Variants in S100PBP observed in about 807,000 individuals in gnomAD.
S100PBP encodes the protein S100P-binding protein.
S100PBP carries 15 observed loss-of-function variants against 39.9 expected under a neutral mutation model. The ratio of observed to expected loss-of-function variants is 0.38; its 90% CI spans 0.25 to 0.58. The LOEUF (loss-of-function observed/expected upper bound fraction) is 0.58. S100PBP is among the 20% of genes least tolerant of loss of function. The probability of loss-of-function intolerance (pLI) is 0.70; values close to 1 mark genes in which losing one functional copy is unlikely to be tolerated. For missense variants in S100PBP, 504 were observed against 487.3 expected (o/e 1.03, Z -0.32); for synonymous variants, 178 against 180.3 (o/e 0.99, Z 0.10).
chr1:32,830,304 C>T (rs532923873), intron 5 of S100PBP, among the ~76,000 whole-genome samples: 1 of 152,278 alleles, frequency 6.6e-6, no homozygotes, highest in East Asian at 1.9e-4. Flanking sequence ...ATGAAAGGTG[C>T]CTCCCTCATG....
At chr1:32,850,075 CTT>C (rs1640548973) in intron 5 of S100PBP, among the ~76,000 whole-genome samples, 1 of 152,134 alleles carries the variant, frequency 6.6e-6, no homozygotes, top group Admixed American at 6.5e-5. Flanking sequence ...TATTAGGCCC[CTT>C]TGGCTAACTG....
At chr1:32,847,940 A>G (rs1357680093) in intron 5 of S100PBP, among the ~76,000 whole-genome samples, 2 of 152,138 alleles carry the variant, frequency 1.3e-5, no homozygotes, top group Non-Finnish European at 2.9e-5. Flanking sequence ...GGAAAAGATG[A>G]TTAGATGAGA....
At chr1:32,848,858 A>G (rs558029663) in intron 5 of S100PBP, among the ~76,000 whole-genome samples, 1 of 152,196 alleles carries the variant, frequency 6.6e-6, no homozygotes, top group Non-Finnish European at 1.5e-5. Flanking sequence ...TCCCTCCTTT[A>G]TTTCATTCTT....
chr1:32,828,288 A>T (rs1249548439), intron 4 of S100PBP, among the ~76,000 whole-genome samples: 3 of 151,944 alleles, frequency 2.0e-5, no homozygotes, highest in East Asian at 3.9e-4. Context: ...AAGGCTAATG[A>T]TGCCTCCTCT....
intron 6 of S100PBP, among the ~76,000 whole-genome samples, chr1:32,853,380 G>C (rs1354069838): frequency 6.6e-6 from 1 of 151,708 alleles, no homozygotes; most frequent in African/African-American, 2.4e-5. Context: ...GCTGAGGCAG[G>C]ACAGTTGCTT....
chr1:32,842,822 T>A (rs1157370622), intron 5 of S100PBP: 1 of 152,160 alleles, frequency 6.6e-6, no homozygotes, highest in African/African-American at 2.4e-5. Flanking sequence ...TCTCGAGCTC[T>A]TGACTTCAAG....
At chr1:32,832,175 A>T (rs1043447850) in intron 5 of S100PBP, among the ~76,000 whole-genome samples, 2 of 152,256 alleles carry the variant, frequency 1.3e-5, no homozygotes, top group African/African-American at 4.8e-5. Context: ...AACTTACATG[A>T]AAATTATACG....
At chr1:32,821,562 C>T (rs1250474989) in intron 1 of S100PBP, among the ~76,000 whole-genome samples, 9 of 151,500 alleles carry the variant, frequency 5.9e-5, no homozygotes, top group African/African-American at 1.7e-4. Flanking sequence ...CCTCGTGATC[C>T]GCCCTCCTCG....
chr1:32,819,160 G>C (rs763986097), intron 1 of S100PBP, among the ~76,000 whole-genome samples: 1 of 152,074 alleles, frequency 6.6e-6, no homozygotes, highest in African/African-American at 2.4e-5. Context: ...TGTGAAGAAG[G>C]GGGTGGACAG....
At position 32,828,088 on chromosome 1, in the gene S100PBP, T is replaced by A. The variant is rs1468996927; in HGVS notation, c.920+7T>A. On this transcript the variant is annotated splice_region_variant and intron_variant, in intron 4 of 6. Coordinates refer to ENST00000373475, the MANE Select transcript of S100PBP (RefSeq NM_022753.4). ...TTCTACAAACTAAGACCAGGTAATG[T>A]AAAGTATAATTAAATATTCTGATTT... 24 of 1,533,328 alleles carry A rather than the reference T, an allele frequency of 1.6e-5. No homozygotes were observed. The highest frequency in any genetic ancestry group is 2.0e-5 in the Non-Finnish European group (22 of 1,109,796). The allele number at this position is 1,533,328 out of a possible 1,614,324, so 95.0% of individuals were successfully genotyped here. A position where few individuals can be genotyped will look rare whatever the true frequency, so the allele number is the denominator to read the frequency against.
At chr1:32,848,459 T>C (rs1640477161) in intron 5 of S100PBP, among the ~76,000 whole-genome samples, 1 of 152,196 alleles carries the variant, frequency 6.6e-6, no homozygotes, top group Non-Finnish European at 1.5e-5. Context: ...TGTTCTCTCT[T>C]GTTCTCATTA....
At position 32,854,148 on chromosome 1, in the gene S100PBP, T is replaced by A. The variant is rs144174672; in HGVS notation, c.1112+982T>A. Among the ~76,000 whole-genome samples the A allele has an allele frequency of 3.1e-3, 477 of 152,300 alleles. 6 individuals carry two copies. Among genetic ancestry groups the A allele is most frequent in the African/African-American group, 0.011 (453 of 41,564 alleles). ...TTTTACTTTTTTCTCTCTCACCCCA[T>A]ATTCAGTCTATCAGCAAATCCCATA... On this transcript the variant is annotated intron_variant, in intron 6 of 6. Transcript: ENST00000373475.
At chr1:32,836,455 T>G (rs1017929767) in intron 5 of S100PBP, 5 of 808,056 alleles carry the variant, frequency 6.2e-6, no homozygotes, top group South Asian at 5.7e-5. Flanking sequence ...TTGTTTGTTT[T>G]TTTTTATAGT....
rs1163936283 is a variant in S100PBP, at chr1:32,857,773, T to C, written c.*1735T>C. On this transcript the variant is annotated 3_prime_UTR_variant, in exon 7 of 7. Transcript: ENST00000373475. ...CCCATCTTTCTGTGTGAGTAATGCA[T>C]TCTAAACATCCTACCCCACTTTAGA... 1.3e-5 allele frequency: 2 copies of C among 152,224 alleles called. No homozygotes were observed. The highest frequency in any genetic ancestry group is 2.9e-5 in the Non-Finnish European group (2 of 68,032). 9.4% of individuals were successfully genotyped at this position (152,224 alleles called of 1,614,324 possible).
chr1:32,858,556 A>G lies in S100PBP; in HGVS notation c.*2518A>G, dbSNP rs1485510420. On this transcript the variant is annotated 3_prime_UTR_variant, in exon 7 of 7. Coordinates refer to ENST00000373475, the MANE Select transcript of S100PBP (RefSeq NM_022753.4). ...CTCTTATATTTGGTATTGGCCTCTA[A>G]GTCTAATATTGCAGTTGGAATTCTT... 6.6e-6 allele frequency: 1 copy of G among 152,260 alleles called. No individual in the cohort carries two copies. The allele number at this position is 152,260 out of a possible 1,614,324, so 9.4% of individuals were successfully genotyped here.
Position 32,856,016 on chromosome 1 carries a change from T to C in S100PBP, c.1205T>C (p.Leu402Pro). The C allele has an allele frequency of 6.2e-7, 1 of 1,612,772 alleles. No individual in the cohort carries two copies. The highest frequency in any genetic ancestry group is 8.5e-7 in the Non-Finnish European group (1 of 1,178,872). The change falls in exon 7 of 7, where the codon CTC becomes CCC. Residue 402 changes from leucine (L) to proline (P), a missense_variant. By Grantham distance (98) the Leu-to-Pro change is moderately conservative. Transcript: ENST00000373475. ...NMRSHHRFQR[L>P]PDFSYS ...CGAAGCCACCATCGGTTCCAGCGTC[T>C]CCCAGACTTCTCGTACAGTTAATTT...
chr1:32,856,054 C>T lies in S100PBP; in HGVS notation c.*16C>T. 1 of 1,549,856 alleles carries T rather than the reference C, an allele frequency of 6.5e-7. No homozygotes were observed. Among genetic ancestry groups the T allele is most frequent in the Non-Finnish European group, 8.9e-7 (1 of 1,122,106 alleles). On this transcript the variant is annotated 3_prime_UTR_variant, in exon 7 of 7. Coordinates refer to ENST00000373475, the MANE Select transcript of S100PBP (RefSeq NM_022753.4). ...GTACAGTTAATTTGTGTCATCCCAT[C>T]AGCAATGAAGGTCCCTATCCAGGGT...
chr1:32,824,485 T>C (rs1639232126), intron 1 of S100PBP, among the ~76,000 whole-genome samples: 1 of 152,126 alleles, frequency 6.6e-6, no homozygotes, highest in Admixed American at 6.6e-5. Flanking sequence ...AGTAGAAAAG[T>C]AAAATGATAC....
chr1:32,821,471 G>A (rs1639058869), intron 1 of S100PBP, among the ~76,000 whole-genome samples: 1 of 151,488 alleles, frequency 6.6e-6, no homozygotes, highest in Non-Finnish European at 1.5e-5. Context: ...ATAGGTGCGC[G>A]CCACCAAGCC....
Sources: gnomAD v4.1 joint callset for allele counts (sites outside exome capture counted in the v4.1 genomes callset) on GRCh38, gnomAD v4.1.1 for gene constraint, MANE v1.5 for transcripts, NCBI Gene and HGNC (gene_info 2026-07-23, HGNC 2026-07-21) for gene names.